CYP7B1: variants seen among roughly 807,000 people sequenced by gnomAD.
The protein encoded by CYP7B1 is cytochrome P450 family 7 subfamily B member 1, also known as cytochrome P450 7B1.
A neutral mutation model predicts 42.7 loss-of-function variants in CYP7B1; 29 were observed. The ratio of observed to expected loss-of-function variants is 0.68; its 90% CI spans 0.51 to 0.93. The LOEUF is 0.93. Ranked by LOEUF, CYP7B1 falls within the 40% of genes least tolerant of loss-of-function variation. The probability of loss-of-function intolerance (pLI) is 0.00; values close to 1 mark genes in which losing one functional copy is unlikely to be tolerated. For missense variants in CYP7B1, 655 were observed against 600.5 expected (o/e 1.09, Z -0.95); for synonymous variants, 235 against 218.2 (o/e 1.08, Z -0.68).
rs1324162377 is a variant in CYP7B1, at chr8:64,604,666, C to T, written c.1233+16G>A. ...GGATCTAAGAAGTAGCAATCATAGGCTTGATGTTTACTTACCTCTGGAGCT... is the reference window on the plus strand; with the variant it reads ...GGATCTAAGAAGTAGCAATCATAGGTTTGATGTTTACTTACCTCTGGAGCT... On this transcript the variant is annotated intron_variant, in intron 5 of 5. Coordinates refer to ENST00000310193, the MANE Select transcript of CYP7B1 (RefSeq NM_004820.5). 3.1e-6 allele frequency: 5 copies of T among 1,613,698 alleles called. No homozygotes were observed. In the Admixed American group the frequency reaches 8.3e-5, roughly 27 times the overall value.
chr8:64,697,898 A>G (rs989237214), intron 1 of CYP7B1, among the ~76,000 whole-genome samples: 3 of 152,198 alleles, frequency 2.0e-5, no homozygotes, highest in African/African-American at 2.4e-5. Flanking sequence ...TTCAGTTTTC[A>G]TTTTTTAAAT....
At chr8:64,683,514 C>T (rs1806571481) in intron 1 of CYP7B1, among the ~76,000 whole-genome samples, 1 of 152,118 alleles carries the variant, frequency 6.6e-6, no homozygotes, top group Non-Finnish European at 1.5e-5. Context: ...ATAAGACCTA[C>T]TGTTTGATGG....
At chr8:64,687,093 C>T (rs985224631) in intron 1 of CYP7B1, among the ~76,000 whole-genome samples, 8 of 147,812 alleles carry the variant, frequency 5.4e-5, no homozygotes, top group South Asian at 2.2e-4. Flanking sequence ...CTGCCAAATC[C>T]CCCTCTGTGA....
chr8:64,777,174 T>TA (rs71561235), intron 1 of CYP7B1, among the ~76,000 whole-genome samples: 20,428 of 113,008 alleles, frequency 0.18, 1,849 homozygotes, highest in Non-Finnish European at 0.23. Context: ...GGTCATTTTG[T>TA]AAAAAAAAAA....
At chr8:64,769,619 T>C (rs1227748663) in intron 1 of CYP7B1, among the ~76,000 whole-genome samples, 1 of 152,232 alleles carries the variant, frequency 6.6e-6, no homozygotes, top group Non-Finnish European at 1.5e-5. Context: ...TATTAACGCT[T>C]GAATGTATTC....
chr8:64,683,338 C>T (rs1438598393), intron 1 of CYP7B1, among the ~76,000 whole-genome samples: 1 of 152,138 alleles, frequency 6.6e-6, no homozygotes. Context: ...ATAAGCCAGG[C>T]ACAGAAAGAC....
At chr8:64,673,342 T>A (rs1437912327) in intron 1 of CYP7B1, among the ~76,000 whole-genome samples, 1 of 152,162 alleles carries the variant, frequency 6.6e-6, no homozygotes, top group Admixed American at 6.6e-5. Flanking sequence ...TGAACTTGAT[T>A]TCAGATGGCT....
intron 1 of CYP7B1, among the ~76,000 whole-genome samples, chr8:64,787,584 C>A (rs981239973): frequency 4.6e-5 from 7 of 152,186 alleles, no homozygotes; most frequent in African/African-American, 1.7e-4. Context: ...GTCTTCAAAG[C>A]CCTCCAAGTC....
At chr8:64,789,046 G>C (rs563022384) in intron 1 of CYP7B1, among the ~76,000 whole-genome samples, 2 of 151,978 alleles carry the variant, frequency 1.3e-5, no homozygotes, top group Non-Finnish European at 2.9e-5. Flanking sequence ...TCAGCCTCCC[G>C]AGTAGCTGGG....
At chr8:64,610,821 G>T (rs1208486387) in intron 4 of CYP7B1, among the ~76,000 whole-genome samples, 1 of 151,982 alleles carries the variant, frequency 6.6e-6, no homozygotes, top group Non-Finnish European at 1.5e-5. Flanking sequence ...AGTCATTATG[G>T]GTAGGCATTA....
chr8:64,744,282 A>T (rs1807611203), intron 1 of CYP7B1, among the ~76,000 whole-genome samples: 1 of 152,206 alleles, frequency 6.6e-6, no homozygotes, highest in African/African-American at 2.4e-5. Context: ...CCGTTCCATA[A>T]GATATCAAAT....
intron 1 of CYP7B1, among the ~76,000 whole-genome samples, chr8:64,790,590 A>T (rs1219548294): frequency 6.6e-6 from 1 of 152,204 alleles, no homozygotes; most frequent in African/African-American, 2.4e-5. Flanking sequence ...GCCATAAGTT[A>T]TCTATTTTCA....
At chr8:64,629,559 C>T (rs1256899833) in intron 1 of CYP7B1, among the ~76,000 whole-genome samples, 3 of 151,336 alleles carry the variant, frequency 2.0e-5, no homozygotes, top group Admixed American at 1.3e-4. Context: ...AACTACACAA[C>T]TGATATACAT....
At position 64,596,127 on chromosome 8, in the gene CYP7B1, C is replaced by A; in HGVS notation, c.*515G>T. 6.1e-6 allele frequency: 1 copy of A among 162,968 alleles called. No individual in the cohort carries two copies. The highest frequency in any genetic ancestry group is 1.2e-4 in the South Asian group (1 of 8,532). 10.1% of individuals were successfully genotyped at this position (162,968 alleles called of 1,614,324 possible). ...GTGAAACTCATTTAATGCACACATA[C>A]CCTGGAAATATAGGTATTATTAATA... On this transcript the variant is annotated 3_prime_UTR_variant, in exon 6 of 6. Transcript: ENST00000310193.
intron 1 of CYP7B1, among the ~76,000 whole-genome samples, chr8:64,718,559 A>C (rs1807191042): frequency 6.6e-6 from 1 of 152,192 alleles, no homozygotes; most frequent in South Asian, 2.1e-4. Context: ...CAACAGTAAG[A>C]AGTCCCCTTC....
chr8:64,712,119 G>T (rs1021241710), intron 1 of CYP7B1, among the ~76,000 whole-genome samples: 1 of 152,134 alleles, frequency 6.6e-6, no homozygotes, highest in Non-Finnish European at 1.5e-5. Context: ...AACAACAATA[G>T]TAGTAACATT....
intron 1 of CYP7B1, among the ~76,000 whole-genome samples, chr8:64,629,226 C>CAAAA (rs10717028): frequency 1.4e-5 from 1 of 72,534 alleles, no homozygotes; most frequent in Non-Finnish European, 2.9e-5. Context: ...GAATCCATCT[C>CAAAA]AAAAAAAAAA....
intron 1 of CYP7B1, among the ~76,000 whole-genome samples, chr8:64,664,906 A>T (rs1229671454): frequency 1.3e-5 from 2 of 152,176 alleles, no homozygotes; most frequent in Non-Finnish European, 2.9e-5. Flanking sequence ...AACCCAAGCC[A>T]ACTACAATTT....
intron 1 of CYP7B1, among the ~76,000 whole-genome samples, chr8:64,658,964 G>T (rs1361192080): frequency 6.6e-6 from 1 of 152,214 alleles, no homozygotes. Context: ...CACATGTGCA[G>T]GAACTAATCT....
Sources: allele counts gnomAD v4.1 joint callset (sites outside exome capture counted in the v4.1 genomes callset), GRCh38; gene constraint gnomAD v4.1.1; transcripts MANE v1.5; gene names NCBI Gene and HGNC (gene_info 2026-07-23, HGNC 2026-07-21).